The following NSUN6 variants were observed in gnomAD, a reference collection of about 807,000 sequenced individuals.
NSUN6 encodes the protein tRNA (cytosine(72)-C(5))-methyltransferase NSUN6.
In NSUN6, 64 loss-of-function variants were observed where a neutral mutation model predicts 58.0. The ratio of observed to expected loss-of-function variants is 1.10; its 90% CI spans 0.90 to 1.36. The LOEUF is 1.36. Among genes scored for constraint, NSUN6 ranks in the 40% most tolerant of loss-of-function variants. The pLI, the probability that NSUN6 is intolerant of heterozygous loss-of-function variation, is 0.00. For missense variants in NSUN6, 701 were observed against 550.1 expected, an observed-to-expected ratio of 1.27 and a Z score of -2.74; for synonymous variants, 231 against 193.9, an observed-to-expected ratio of 1.19 and a Z score of -1.59.
chr10:18,571,692 TTCCATTC>T (rs2056374278), intron 8 of NSUN6, among the ~76,000 whole-genome samples: 1 of 151,464 alleles, frequency 6.6e-6, no homozygotes, highest in African/African-American at 2.4e-5. Flanking sequence ...TCCATCTCCA[TTCCATTC>T]TCCATTCCAT....
At chr10:18,607,966 T>C (rs2058100595) in intron 6 of NSUN6, among the ~76,000 whole-genome samples, 1 of 152,238 alleles carries the variant, frequency 6.6e-6, no homozygotes, top group Non-Finnish European at 1.5e-5. Context: ...GCTCAGTACA[T>C]GGACTACAAT....
chr10:18,651,202 ATT>A lies in NSUN6; in HGVS notation c.-1_1del. On this transcript the variant is annotated start_lost and start_retained_variant and 5_prime_UTR_variant, in exon 1 of 11. Coordinates refer to ENST00000377304, the MANE Select transcript of NSUN6 (RefSeq NM_182543.5). Reference sequence around the variant, plus strand: ...CAAAGATATCTTAGGGAAAATAGACATTTTTCCTGTTGTTTAGTTCTCCACCA... The same window carrying A: ...CAAAGATATCTTAGGGAAAATAGACATTTCCTGTTGTTTAGTTCTCCACCA... 1.3e-6 allele frequency: 2 copies of A among 1,555,618 alleles called. No individual in the cohort carries two copies. The highest frequency in any genetic ancestry group is 1.7e-6 in the Non-Finnish European group (2 of 1,159,544).
upstream of NSUN6, chr10:18,652,578 T>C (rs184885510): frequency 1.5e-5 from 15 of 983,514 alleles, no homozygotes; most frequent in East Asian, 1.7e-3. Context: ...TCTTTTTTTT[T>C]TTTTTTTTTT....
intron 3 of NSUN6, among the ~76,000 whole-genome samples, chr10:18,616,891 C>T (rs1236872677): frequency 1.3e-5 from 2 of 152,138 alleles, no homozygotes; most frequent in African/African-American, 4.8e-5. Flanking sequence ...CTCTAATAAG[C>T]TTCCTTGGAT....
intron 8 of NSUN6, among the ~76,000 whole-genome samples, chr10:18,557,827 G>A (rs2055159962): frequency 6.6e-6 from 1 of 150,686 alleles, no homozygotes; most frequent in Admixed American, 6.7e-5. Flanking sequence ...GGTATGGAAT[G>A]GAGGATTAAA....
At position 18,551,877 on chromosome 10, in the gene NSUN6, C is replaced by T; in HGVS notation, c.1017G>A (p.Trp339Ter). ...GATATGATGCCACTTCCTTCACAGACCAAGTACAGGCCATGTTTGGTCTCT... is the reference window on the plus strand; with the variant it reads ...GATATGATGCCACTTCCTTCACAGATCAAGTACAGGCCATGTTTGGTCTCT... ...MGQRPNMACT[W>*]SVKEVASYQP... The change falls in exon 9 of 11, where the codon TGG (tryptophan) becomes TGA (stop). Residue 339 changes from tryptophan to a stop codon, truncating the protein, a stop_gained. Coordinates refer to ENST00000377304, the MANE Select transcript of NSUN6 (RefSeq NM_182543.5). LOFTEE classifies it high-confidence loss of function. 6.2e-7 allele frequency: 1 copy of T among 1,613,600 alleles called. No individual in the cohort carries two copies. Among genetic ancestry groups the T allele is most frequent in the Non-Finnish European group, 8.5e-7 (1 of 1,179,614 alleles).
chr10:18,549,295 C>T (rs577844427), intron 9 of NSUN6, among the ~76,000 whole-genome samples: 1 of 152,164 alleles, frequency 6.6e-6, no homozygotes, highest in South Asian at 2.1e-4. Flanking sequence ...CAACACTGGC[C>T]TCCTGCTGTT....
At chr10:18,643,140 G>A (rs925575780) in intron 2 of NSUN6, among the ~76,000 whole-genome samples, 6 of 151,882 alleles carry the variant, frequency 4.0e-5, no homozygotes, top group African/African-American at 1.5e-4. Context: ...GGTCACACAT[G>A]TAGCTACCAG....
At chr10:18,627,878 A>G (rs1421924541) in intron 3 of NSUN6, among the ~76,000 whole-genome samples, 7 of 152,364 alleles carry the variant, frequency 4.6e-5, no homozygotes, top group East Asian at 1.9e-4. Flanking sequence ...CAAAGCAGCT[A>G]GGAAGCTCCA....
chr10:18,629,011 C>T (rs557761858), intron 3 of NSUN6, among the ~76,000 whole-genome samples: 2 of 152,226 alleles, frequency 1.3e-5, no homozygotes, highest in African/African-American at 4.8e-5. Flanking sequence ...AGAGAAAGGT[C>T]GGGTTACCCA....
At chr10:18,552,075 AT>A in intron 8 of NSUN6, 104 bp from the exon 9 acceptor site, 6 of 708,354 alleles carry the variant, frequency 8.5e-6, no homozygotes, top group Non-Finnish European at 1.4e-5. Flanking sequence ...GAATAAAAAA[AT>A]GAAACAATTT....
At chr10:18,589,481 G>A (rs1340962560) in intron 7 of NSUN6, among the ~76,000 whole-genome samples, 1 of 152,104 alleles carries the variant, frequency 6.6e-6, no homozygotes, top group Admixed American at 6.5e-5. Context: ...TTCAAAGGTT[G>A]AAGCAAAGGT....
chr10:18,629,112 A>G (rs1337761037), intron 3 of NSUN6, among the ~76,000 whole-genome samples: 1 of 152,222 alleles, frequency 6.6e-6, no homozygotes, highest in African/African-American at 2.4e-5. Context: ...ACATTCTTAA[A>G]GAAAAGAATT....
intron 3 of NSUN6, among the ~76,000 whole-genome samples, chr10:18,640,904 T>G (rs1405474044): frequency 6.6e-6 from 1 of 151,952 alleles, no homozygotes; most frequent in Non-Finnish European, 1.5e-5. Flanking sequence ...TTTCCTTTTA[T>G]TTCCCCCCTC....
intron 8 of NSUN6, among the ~76,000 whole-genome samples, chr10:18,581,323 A>T (rs1196362425): frequency 2.0e-5 from 3 of 152,152 alleles, no homozygotes; most frequent in African/African-American, 7.2e-5. Context: ...TGATAAAAAC[A>T]GTTTGCAATA....
chr10:18,656,781 T>C (rs1474868990), upstream of NSUN6, among the ~76,000 whole-genome samples: 1 of 151,834 alleles, frequency 6.6e-6, no homozygotes, highest in African/African-American at 2.4e-5. Context: ...AAGGAAGTTA[T>C]TTCCAATGAA....
rs142928990 is a variant in NSUN6, at chr10:18,597,619, A to C, written c.658-1292T>G. Among the ~76,000 whole-genome samples, 343 of 152,302 alleles carry C rather than the reference A, an allele frequency of 2.3e-3. 3 individuals carry two copies. The highest frequency in any genetic ancestry group is 7.9e-3 in the African/African-American group (330 of 41,554). Reference sequence around the variant, plus strand: ...ACCCCATCTCTACTAAAAATACATTAGCTGGGCATGGTGGCACATGCCTGT... The same window carrying C: ...ACCCCATCTCTACTAAAAATACATTCGCTGGGCATGGTGGCACATGCCTGT... On this transcript the variant is annotated intron_variant, in intron 6 of 10. Transcript: ENST00000377304.
At chr10:18,627,452 G>A (rs2058851840) in intron 3 of NSUN6, among the ~76,000 whole-genome samples, 1 of 152,186 alleles carries the variant, frequency 6.6e-6, no homozygotes, top group African/African-American at 2.4e-5. Flanking sequence ...AGCTCCCAGC[G>A]TGAGCGACGC....
intron 8 of NSUN6, among the ~76,000 whole-genome samples, chr10:18,559,355 T>C (rs1440274880): frequency 6.9e-6 from 1 of 145,010 alleles, no homozygotes; most frequent in South Asian, 2.2e-4. Context: ...TGGAATGGAA[T>C]TGAATAGAGA....
Sources: gnomAD v4.1 joint callset for allele counts (sites outside exome capture counted in the v4.1 genomes callset) on GRCh38, gnomAD v4.1.1 for gene constraint, MANE v1.5 for transcripts, NCBI Gene and HGNC (gene_info 2026-07-23, HGNC 2026-07-21) for gene names.